RTN4IP1: variants seen among roughly 807,000 people sequenced by gnomAD.
RTN4IP1 encodes NAD(P)H oxidoreductase RTN4IP1, mitochondrial.
Under a neutral mutation model 46.6 loss-of-function variants are expected in RTN4IP1, and 32 were observed. That is an observed-to-expected ratio of 0.69 (90% CI 0.52 to 0.92). RTN4IP1 has a LOEUF of 0.92. RTN4IP1 is among the 40% of genes least tolerant of loss of function. The pLI is 0.00. For synonymous variants in RTN4IP1, 167 were observed against 161.8 expected (o/e 1.03, Z -0.24); for missense variants, 424 against 485.8 (o/e 0.87, Z 1.20).
intron 7 of RTN4IP1, among the ~76,000 whole-genome samples, chr6:106,583,930 T>C (rs1395457564): frequency 4.6e-5 from 7 of 152,230 alleles, no homozygotes; most frequent in African/African-American, 1.4e-4. Flanking sequence ...AAAGTGGCTT[T>C]AAAGGGAAAA....
intron 4 of RTN4IP1, among the ~76,000 whole-genome samples, chr6:106,605,334 G>A (rs1451391517): frequency 2.0e-5 from 3 of 151,790 alleles, no homozygotes; most frequent in African/African-American, 7.3e-5. Flanking sequence ...GCTGAGGCAT[G>A]AGAATCGTTT....
chr6:106,619,318 G>C lies in RTN4IP1; in HGVS notation c.504C>G (p.His168Gln). ...GAGTATGAGTGAGTGATTTGGGTTT[G>C]TGAGAGACCTACATTTGAAGACAAC... ...FVVVSGNEVS[H>Q]KPKSLTHTQA... The change falls in exon 4 of 9, where the codon CAC (histidine) becomes CAG (glutamine). Residue 168 changes from histidine to glutamine, a missense_variant. Physicochemically the swap from His to Gln is conservative, Grantham distance 24. Coordinates refer to ENST00000369063, the MANE Select transcript of RTN4IP1 (RefSeq NM_032730.5). 6.2e-7 allele frequency: 1 copy of C among 1,614,106 alleles called. No homozygotes were observed.
At position 106,572,078 on chromosome 6, in the gene RTN4IP1, A is replaced by G. The variant is rs1775079449; in HGVS notation, c.1109T>C (p.Phe370Ser). The change falls in exon 9 of 9, where the codon TTT becomes TCT. Residue 370 changes from phenylalanine (F) to serine (S), a missense_variant. By Grantham distance (155) the Phe-to-Ser change is radical. Transcript: ENST00000369063. ...GKIRPVIEQT[F>S]PFSKVPEAFL... ...GGCTTCTGGAACTTTAGAAAAAGGA[A>G]AGGTTTGTTCAATAACTGGCCGGAT... 3.7e-6 allele frequency: 6 copies of G among 1,614,076 alleles called. No homozygotes were observed. The highest frequency in any genetic ancestry group is 1.6e-4 in the Middle Eastern group (1 of 6,062).
intron 8 of RTN4IP1, among the ~76,000 whole-genome samples, chr6:106,582,523 T>C (rs1013023304): frequency 1.3e-5 from 2 of 152,208 alleles, no homozygotes; most frequent in Non-Finnish European, 2.9e-5. Context: ...GTTGGCTTTT[T>C]CACCTGTAAA....
chr6:106,601,896 C>T (rs1316858025), intron 5 of RTN4IP1, among the ~76,000 whole-genome samples: 1 of 152,156 alleles, frequency 6.6e-6, no homozygotes, highest in Non-Finnish European at 1.5e-5. Context: ...TAGGTGTGAA[C>T]CACCATGCCT....
At chr6:106,603,952 T>C (rs1162175041) in intron 4 of RTN4IP1, among the ~76,000 whole-genome samples, 2 of 152,196 alleles carry the variant, frequency 1.3e-5, no homozygotes, top group South Asian at 2.1e-4. Context: ...ACAGAATTCA[T>C]GAGAATTCTC....
Position 106,629,244 on chromosome 6 carries a change from C to A in RTN4IP1, c.-223G>T. 1.7e-6 allele frequency: 1 copy of A among 583,068 alleles called. No homozygotes were observed. Among genetic ancestry groups the A allele is most frequent in the Non-Finnish European group, 3.0e-6 (1 of 328,780 alleles). 36.1% of individuals were successfully genotyped at this position (583,068 alleles called of 1,614,324 possible). ...CATATGAAATGCTCGAATTAACGTTCCAGTCAGTATTCTGTCCATTCTCCT... is the reference window on the plus strand; with the variant it reads ...CATATGAAATGCTCGAATTAACGTTACAGTCAGTATTCTGTCCATTCTCCT... On this transcript the variant is annotated 5_prime_UTR_variant, in exon 1 of 9. Transcript: ENST00000369063.
At chr6:106,612,161 T>C (rs983820032) in intron 4 of RTN4IP1, among the ~76,000 whole-genome samples, 1 of 151,908 alleles carries the variant, frequency 6.6e-6, no homozygotes, top group Non-Finnish European at 1.5e-5. Context: ...CCAAGGCAGG[T>C]GGATCACCTG....
At chr6:106,602,824 A>G in intron 5 of RTN4IP1, 50 bp downstream of exon 5, 1 of 1,288,988 alleles carries the variant, frequency 7.8e-7, no homozygotes, top group South Asian at 1.4e-5. Flanking sequence ...TAATTTATAA[A>G]TTCATGCAAA....
In RTN4IP1 at chr6:106,629,422, C is replaced by G; in HGVS notation, c.-401G>C. 2 of 586,612 alleles carry G rather than the reference C, an allele frequency of 3.4e-6. No homozygotes were observed. Among genetic ancestry groups the G allele is most frequent in the Middle Eastern group, 4.5e-4 (1 of 2,206 alleles). 36.3% of individuals were successfully genotyped at this position (586,612 alleles called of 1,614,324 possible). A position where few individuals can be genotyped will look rare whatever the true frequency, so the allele number is the denominator to read the frequency against. ...CGATCCAACGCCAGAGAATCGAACG[C>G]TTGCCGACTGCCGCCGCGACCCTGG... On this transcript the variant is annotated 5_prime_UTR_variant, in exon 1 of 9. Transcript: ENST00000369063.
chr6:106,583,788 G>A (rs1775422540), intron 7 of RTN4IP1, among the ~76,000 whole-genome samples: 1 of 152,168 alleles, frequency 6.6e-6, no homozygotes, highest in African/African-American at 2.4e-5. Context: ...ACTAAGGTTT[G>A]AATAAAGCCC....
Position 106,607,486 on chromosome 6 carries a change from T to C in RTN4IP1, c.621-4564A>G, listed in dbSNP as rs141968928. ...TCAAACTCTACAACCAACAAGGGAC[T>C]ACTACCCAGAATATATAAGGAACTC... is the stretch of plus-strand genomic sequence containing the variant. On this transcript the variant is annotated intron_variant, in intron 4 of 8. Coordinates refer to ENST00000369063, the MANE Select transcript of RTN4IP1 (RefSeq NM_032730.5). Among the ~76,000 whole-genome samples the C allele has an allele frequency of 3.4e-3, 513 of 151,728 alleles. 5 individuals carry two copies. Among genetic ancestry groups the C allele is most frequent in the African/African-American group, 0.012 (480 of 41,426 alleles).
At chr6:106,628,179 A>T (rs1776702572) in intron 1 of RTN4IP1, among the ~76,000 whole-genome samples, 1 of 151,974 alleles carries the variant, frequency 6.6e-6, no homozygotes, top group South Asian at 2.1e-4. Context: ...AAATTTAGCT[A>T]CAAACATAGG....
At chr6:106,599,639 A>G (rs1775892315) in intron 5 of RTN4IP1, among the ~76,000 whole-genome samples, 2 of 151,998 alleles carry the variant, frequency 1.3e-5, no homozygotes, top group African/African-American at 4.8e-5. Flanking sequence ...TTTTTTCATG[A>G]CTGCATAATA....
At chr6:106,586,081 A>G (rs577037780) in intron 7 of RTN4IP1, among the ~76,000 whole-genome samples, 1 of 152,296 alleles carries the variant, frequency 6.6e-6, no homozygotes, top group South Asian at 2.1e-4. Flanking sequence ...ATTACCCATA[A>G]TATTTCATAA....
At chr6:106,612,227 A>G (rs1422437302) in intron 4 of RTN4IP1, among the ~76,000 whole-genome samples, 1 of 151,926 alleles carries the variant, frequency 6.6e-6, no homozygotes, top group Non-Finnish European at 1.5e-5. Flanking sequence ...TCTCTACTAA[A>G]AATATAAAAA....
chr6:106,596,357 A>C (rs1775792222), intron 5 of RTN4IP1, among the ~76,000 whole-genome samples: 2 of 152,176 alleles, frequency 1.3e-5, no homozygotes, highest in South Asian at 4.1e-4. Context: ...CTGAGGCAGG[A>C]AGGTTGCTTG....
At chr6:106,600,886 A>G (rs1010433932) in intron 5 of RTN4IP1, among the ~76,000 whole-genome samples, 12 of 152,096 alleles carry the variant, frequency 7.9e-5, no homozygotes, top group Admixed American at 4.6e-4. Context: ...TAATACTGCT[A>G]TGAATATTCA....
chr6:106,572,328 T>G (rs1389858436), intron 8 of RTN4IP1: 2 of 536,098 alleles, frequency 3.7e-6, no homozygotes, highest in East Asian at 6.2e-5. Context: ...TGCCCAGTCT[T>G]ACTTCTCCTC....
Sources: gnomAD v4.1 joint callset for allele counts (sites outside exome capture counted in the v4.1 genomes callset) on GRCh38, gnomAD v4.1.1 for gene constraint, MANE v1.5 for transcripts, NCBI Gene and HGNC (gene_info 2026-07-23, HGNC 2026-07-21) for gene names.